TRPC5: variants seen among roughly 807,000 people sequenced by gnomAD.
TRPC5 encodes transient receptor potential cation channel subfamily C member 5, also known as short transient receptor potential channel 5.
In TRPC5, 9 loss-of-function variants were observed where a neutral mutation model predicts 56.5. The observed-to-expected ratio is 0.16, with a 90% confidence interval of 0.10 to 0.28. The LOEUF (loss-of-function observed/expected upper bound fraction) is 0.28. TRPC5 is among the 10% of genes least tolerant of loss of function. The pLI, the probability that TRPC5 is intolerant of heterozygous loss-of-function variation, is 1.00. For missense variants in TRPC5, 469 were observed against 748.9 expected (o/e 0.63, Z 4.36); for synonymous variants, 282 against 278.5 (o/e 1.01, Z -0.13).
chrX:111,875,618 T>C (rs887883941), intron 3 of TRPC5, among the ~76,000 whole-genome samples: 12 of 103,907 alleles, frequency 1.2e-4, no homozygotes, highest in Non-Finnish European at 2.4e-4. Context: ...CCTTCCCTTG[T>C]GTTGCACTTC....
At chrX:112,075,589 C>T in intron 1 of TRPC5, among the ~76,000 whole-genome samples, 1 of 111,497 alleles carries the variant, frequency 9.0e-6, no homozygotes, top group Middle Eastern at 4.6e-3. Context: ...AATTAGCAGA[C>T]CTTAAAATAG....
rs1019104069 is a variant in TRPC5, at chrX:111,975,222, C to G, written c.-21-22781G>C. ...TAGTTCAAGGCATTTAAATAAATCT[C>G]TGTCCAATCACTGGCGACTAAGATA... On this transcript the variant is annotated intron_variant, in intron 1 of 10. Transcript: ENST00000262839. Among the ~76,000 whole-genome samples, 7 of 110,441 alleles carry G rather than the reference C, an allele frequency of 6.3e-5. No homozygotes were observed. In the Admixed American group the frequency reaches 6.8e-4, roughly 11 times the overall value.
intron 1 of TRPC5, among the ~76,000 whole-genome samples, chrX:112,026,734 C>T (rs1346801398): frequency 1.9e-4 from 21 of 110,220 alleles, no homozygotes; most frequent in Admixed American, 1.8e-3. Flanking sequence ...TCATGGAACC[C>T]TATAGTCAAT....
chrX:112,024,571 G>A (rs1460617301), intron 1 of TRPC5, among the ~76,000 whole-genome samples: 1 of 111,127 alleles, frequency 9.0e-6, no homozygotes, highest in Non-Finnish European at 1.9e-5. Context: ...AGCTTTCCTA[G>A]GTCTCCAGCT....
intron 1 of TRPC5, among the ~76,000 whole-genome samples, chrX:112,062,335 T>G (rs1191221365): frequency 1.8e-5 from 2 of 111,957 alleles, no homozygotes; most frequent in African/African-American, 6.5e-5. Context: ...AAGCTTACAG[T>G]GTACTTGGGT....
chrX:111,905,060 C>A (rs1221613760), intron 3 of TRPC5, among the ~76,000 whole-genome samples: 1 of 109,703 alleles, frequency 9.1e-6, no homozygotes, highest in African/African-American at 3.3e-5. Context: ...ATGAAAAAGC[C>A]CTTCAGGAAA....
At chrX:111,860,911 G>C (rs1396998237) in intron 3 of TRPC5, among the ~76,000 whole-genome samples, 3 of 111,973 alleles carry the variant, frequency 2.7e-5, no homozygotes, top group Non-Finnish European at 5.6e-5. Context: ...GTTTGATTTT[G>C]AGAAGGCTGT....
intron 1 of TRPC5, among the ~76,000 whole-genome samples, chrX:111,970,745 G>T (rs1301389882): frequency 1.8e-5 from 2 of 109,129 alleles, no homozygotes; most frequent in Admixed American, 9.8e-5. Context: ...CCACTAACTT[G>T]AAGCGTGAAC....
At chrX:111,854,149 G>T in intron 3 of TRPC5, 43 bp from the exon 4 acceptor site, 1 of 1,138,427 alleles carries the variant, frequency 8.8e-7, no homozygotes. Flanking sequence ...GAATGTCCAG[G>T]AGAAAGTCTA....
intron 1 of TRPC5, among the ~76,000 whole-genome samples, chrX:112,029,072 G>C (rs1173525404): frequency 1.8e-5 from 2 of 111,916 alleles, no homozygotes; most frequent in African/African-American, 6.5e-5. Flanking sequence ...CTATCACATA[G>C]TAGGTCTTAC....
chrX:111,833,470 A>G (rs1922470389), intron 7 of TRPC5, among the ~76,000 whole-genome samples: 1 of 111,373 alleles, frequency 9.0e-6, no homozygotes, highest in South Asian at 3.9e-4. Flanking sequence ...TCTACCACCT[A>G]GATACCTAAT....
intron 7 of TRPC5, among the ~76,000 whole-genome samples, chrX:111,823,723 A>G (rs1248014785): frequency 2.7e-5 from 3 of 110,965 alleles, no homozygotes; most frequent in Non-Finnish European, 5.7e-5. Context: ...TGTGTCCAGA[A>G]CCAAGGGAAA....
intron 1 of TRPC5, among the ~76,000 whole-genome samples, chrX:112,080,021 G>A: frequency 9.0e-6 from 1 of 111,429 alleles, no homozygotes; most frequent in East Asian, 2.8e-4. Flanking sequence ...CTGCAACCCG[G>A]TCTTTAGTAT....
intron 3 of TRPC5, among the ~76,000 whole-genome samples, chrX:111,880,867 T>A (rs1440693131): frequency 8.9e-6 from 1 of 112,083 alleles, no homozygotes; most frequent in East Asian, 2.8e-4. Flanking sequence ...AACCAAGTAT[T>A]TCAGTATCTT....
At chrX:111,779,994 C>T (rs1290833120) in intron 9 of TRPC5, among the ~76,000 whole-genome samples, 3 of 111,347 alleles carry the variant, frequency 2.7e-5, no homozygotes, top group Admixed American at 1.9e-4. Flanking sequence ...CATTTGAAGG[C>T]GGGAGTAGGG....
At chrX:111,816,551 G>A (rs1250601952) in intron 7 of TRPC5, among the ~76,000 whole-genome samples, 1 of 111,811 alleles carries the variant, frequency 8.9e-6, no homozygotes, top group Non-Finnish European at 1.9e-5. Flanking sequence ...AATGAAATTT[G>A]GGCAGTTTTA....
At chrX:111,937,790 G>C (rs755761833) in intron 2 of TRPC5, among the ~76,000 whole-genome samples, 6,071 of 103,124 alleles carry the variant, frequency 0.059, 173 homozygotes, top group African/African-American at 0.068. Flanking sequence ...GATGCCTCCA[G>C]CTTTGTTCTT....
intron 1 of TRPC5, among the ~76,000 whole-genome samples, chrX:112,071,986 T>G (rs12010874): frequency 0.091 from 10,186 of 112,237 alleles, 1,114 homozygotes; most frequent in African/African-American, 0.31. Flanking sequence ...ATTGCTGTTA[T>G]TCTCTTCTGA....
intron 1 of TRPC5, among the ~76,000 whole-genome samples, chrX:112,063,349 C>T (rs1930501667): frequency 8.9e-6 from 1 of 111,840 alleles, no homozygotes; most frequent in African/African-American, 3.3e-5. Context: ...CCCCAAATTA[C>T]CTTTCTAGGC....
Sources: allele counts gnomAD v4.1 joint callset (sites outside exome capture counted in the v4.1 genomes callset), GRCh38; gene constraint gnomAD v4.1.1; transcripts MANE v1.5; gene names NCBI Gene and HGNC (gene_info 2026-07-23, HGNC 2026-07-21).